TMEM14B: variants seen among roughly 807,000 people sequenced by gnomAD.
TMEM14B encodes transmembrane protein 14B.
A neutral mutation model predicts 14.8 loss-of-function variants in TMEM14B; 9 were observed. That is an observed-to-expected ratio of 0.61 (90% CI 0.37 to 1.06). The LOEUF (loss-of-function observed/expected upper bound fraction) is 1.06. TMEM14B is among the 50% of genes least tolerant of loss of function. TMEM14B has a pLI of 0.01. For synonymous variants in TMEM14B, 40 were observed against 51.3 expected (o/e 0.78, Z 0.94); for missense variants, 128 against 143.6 (o/e 0.89, Z 0.56).
rs1455165323 is a variant in TMEM14B at position 10,753,838 on chromosome 6, T to TGGC, written c.203-1304_203-1303insGGC. Among the ~76,000 whole-genome samples the TGGC allele has an allele frequency of 2.3e-3, 354 of 151,874 alleles. 3 individuals are homozygous for TGGC. The highest frequency in any genetic ancestry group is 7.8e-3 in the African/African-American group (320 of 41,158). On this transcript the variant is annotated intron_variant, in intron 4 of 5. Coordinates refer to ENST00000379542, the MANE Select transcript of TMEM14B (RefSeq NM_030969.5). ...TTATCCTGAGTTGTCCTCTTTTTCA[T>TGGC]CTGCACAGCCATCGTCCTAGTCCCA... is the stretch of plus-strand genomic sequence containing the variant.
intron 4 of TMEM14B, among the ~76,000 whole-genome samples, chr6:10,752,321 G>A (rs761617176): frequency 2.6e-5 from 4 of 151,926 alleles, no homozygotes; most frequent in Non-Finnish European, 5.9e-5. Flanking sequence ...TGGGCTTTGG[G>A]TGTCTTCTCC....
chr6:10,751,541 C>G (rs1771568739), intron 4 of TMEM14B, among the ~76,000 whole-genome samples: 1 of 152,076 alleles, frequency 6.6e-6, no homozygotes, highest in South Asian at 2.1e-4. Context: ...GAATTAGTAT[C>G]AAACTTGTAT....
In TMEM14B at chr6:10,749,550, C is replaced by G. The variant is rs866921556; in HGVS notation, c.24-72C>G. On this transcript the variant is annotated intron_variant, in intron 2 of 5. Coordinates refer to ENST00000379542, the MANE Select transcript of TMEM14B (RefSeq NM_030969.5). The stretch of plus-strand genomic sequence containing the variant: ...GGGAATGATTACCTTTTAGCCCCAT[C>G]CTATGACAATATGGTTTGTTTTTAA... 186 of 1,545,698 alleles carry G rather than the reference C, an allele frequency of 1.2e-4. No homozygotes were observed. In the Middle Eastern group the frequency reaches 2.9e-3, roughly 24 times the overall value.
rs527428434 is a variant in TMEM14B at position 10,751,254 on chromosome 6, T to A, written c.202+20T>A. On this transcript the variant is annotated intron_variant, in intron 4 of 5. Coordinates refer to ENST00000379542, the MANE Select transcript of TMEM14B (RefSeq NM_030969.5). ...TCCTAGGTATGTCTGCTTCAGCGTC[T>A]CCTTAGGGCAATCATGTATCTGGAA... 29 of 1,612,832 alleles carry A rather than the reference T, an allele frequency of 1.8e-5. No homozygotes were observed. The Middle Eastern group carries it at 5.0e-4, about 28-fold the overall frequency.
chr6:10,752,537 A>G (rs1320401320), intron 4 of TMEM14B, among the ~76,000 whole-genome samples: 12 of 146,778 alleles, frequency 8.2e-5, no homozygotes, highest in African/African-American at 2.8e-4. Context: ...GCTCACTGCA[A>G]CCTCCGCCTC....
intron 2 of TMEM14B, 129 bp downstream of exon 2, chr6:10,749,397 C>A: frequency 1.6e-6 from 2 of 1,279,114 alleles, no homozygotes; most frequent in South Asian, 1.3e-5. Flanking sequence ...ATCACTGGAC[C>A]TGTGGGCCAG....
chr6:10,751,043 C>T, intron 3 of TMEM14B, 90 bp from the exon 4 acceptor site: 2 of 1,499,022 alleles, frequency 1.3e-6, no homozygotes, highest in East Asian at 2.3e-5. Flanking sequence ...GTTCTTTGTG[C>T]TGTCCTTTGT....
chr6:10,752,298 C>T (rs567187757), intron 4 of TMEM14B, among the ~76,000 whole-genome samples: 2 of 152,116 alleles, frequency 1.3e-5, no homozygotes, highest in South Asian at 4.1e-4. Flanking sequence ...TTTCCAACAC[C>T]AGTGTCTTCC....
At chr6:10,748,865 G>A (rs916761550) in intron 1 of TMEM14B, among the ~76,000 whole-genome samples, 12 of 152,214 alleles carry the variant, frequency 7.9e-5, no homozygotes, top group African/African-American at 2.9e-4. Context: ...GGGCACGGGA[G>A]TATTTGCTTT....
At chr6:10,752,320 G>A (rs1771613621) in intron 4 of TMEM14B, among the ~76,000 whole-genome samples, 1 of 151,932 alleles carries the variant, frequency 6.6e-6, no homozygotes, top group African/African-American at 2.4e-5. Flanking sequence ...CTGGGCTTTG[G>A]GTGTCTTCTC....
Position 10,747,808 on chromosome 6 carries a change from C to G in TMEM14B, c.-118C>G, listed in dbSNP as rs1331898829. 3 of 152,596 alleles carry G rather than the reference C, an allele frequency of 2.0e-5. No homozygotes were observed. Among genetic ancestry groups the G allele is most frequent in the African/African-American group, 4.8e-5 (2 of 41,484 alleles). The allele number at this position is 152,596 out of a possible 1,614,324, so 9.5% of individuals were successfully genotyped here. On this transcript the variant is annotated 5_prime_UTR_variant, in exon 1 of 6. In the 5' UTR this introduces an upstream ATG that the reference lacks. Coordinates refer to ENST00000379542, the MANE Select transcript of TMEM14B (RefSeq NM_030969.5). ...CCCCGGGGCGCAGCGCGCACGCAAT[C>G]GCGTTTCCGGAGAGACCTGGCTGCT...
At chr6:10,748,693 C>T (rs187883005) in intron 1 of TMEM14B, among the ~76,000 whole-genome samples, 29 of 152,176 alleles carry the variant, frequency 1.9e-4, no homozygotes, top group African/African-American at 7.0e-4. Flanking sequence ...CTTGAGTTTC[C>T]GTGTATTTTA....
chr6:10,753,130 G>A (rs1456266628), intron 4 of TMEM14B, among the ~76,000 whole-genome samples: 1 of 152,062 alleles, frequency 6.6e-6, no homozygotes, highest in Non-Finnish European at 1.5e-5. Flanking sequence ...CAGCCACTCA[G>A]GAGGTTGAGG....
intron 4 of TMEM14B, 113 bp from the exon 5 acceptor site, chr6:10,755,029 G>T (rs1771750631): frequency 8.9e-7 from 1 of 1,129,368 alleles, no homozygotes; most frequent in Non-Finnish European, 1.3e-6. Context: ...GGGGAAGGAG[G>T]AATAAGCATA....
intron 1 of TMEM14B, among the ~76,000 whole-genome samples, chr6:10,748,524 A>G (rs1013862036): frequency 6.6e-6 from 1 of 152,314 alleles, no homozygotes; most frequent in African/African-American, 2.4e-5. Flanking sequence ...AAGTACTGGG[A>G]TTACAGGCGT....
At chr6:10,756,424 C>T (rs547338420) in intron 5 of TMEM14B, 43 bp from the exon 6 acceptor site, 5 of 1,609,072 alleles carry the variant, frequency 3.1e-6, no homozygotes, top group Non-Finnish European at 4.2e-6. Flanking sequence ...GTTGCCTGTT[C>T]TATCCTTTAC....
chr6:10,759,602 T>A (rs1269527869), downstream of TMEM14B: 3 of 152,236 alleles, frequency 2.0e-5, no homozygotes, highest in Admixed American at 1.3e-4. Context: ...TTTGACACAT[T>A]AAGCTGGAAG....
chr6:10,750,649 A>G (rs1418050680), intron 3 of TMEM14B, among the ~76,000 whole-genome samples: 1 of 151,916 alleles, frequency 6.6e-6, no homozygotes, highest in African/African-American at 2.4e-5. Flanking sequence ...AGTTAATTGC[A>G]TTCTTGGATG....
At chr6:10,758,325 C>T (rs1316183711), downstream of TMEM14B, among the ~76,000 whole-genome samples, 1 of 152,174 alleles carries the variant, frequency 6.6e-6, no homozygotes, top group Non-Finnish European at 1.5e-5. Context: ...CCTGGCTCCT[C>T]ATGAATGACA....
Sources: gnomAD v4.1 joint callset for allele counts (sites outside exome capture counted in the v4.1 genomes callset) on GRCh38, gnomAD v4.1.1 for gene constraint, MANE v1.5 for transcripts, NCBI Gene and HGNC (gene_info 2026-07-23, HGNC 2026-07-21) for gene names.